Variants in TOP3B observed in about 807,000 individuals in gnomAD.
The protein encoded by TOP3B is DNA topoisomerase 3-beta-1.
Under a neutral mutation model 93.9 loss-of-function variants are expected in TOP3B, and 45 were observed. The ratio of observed to expected loss-of-function variants is 0.48; its 90% CI spans 0.38 to 0.61. The LOEUF is 0.61. TOP3B is among the 20% of genes least tolerant of loss of function. The pLI is 0.00. For missense variants in TOP3B, 750 were observed against 1,156.1 expected, an observed-to-expected ratio of 0.65 and a Z score of 5.09; for synonymous variants, 357 against 472.6, an observed-to-expected ratio of 0.76 and a Z score of 3.17.
chr22:21,972,833 A>C, intron 3 of TOP3B, 115 bp from the exon 4 acceptor site: 1 of 882,236 alleles, frequency 1.1e-6, no homozygotes, highest in South Asian at 1.4e-5. Flanking sequence ...CTTGGAGAAC[A>C]ATTTGCCCAG....
chr22:21,962,849 TGAAGTGTCTG>T lies in TOP3B; in HGVS notation c.1239_1248del (p.Arg414SerfsTer65). 1 of 1,614,002 alleles carries T rather than the reference TGAAGTGTCTG, an allele frequency of 6.2e-7. No individual in the cohort carries two copies. Among genetic ancestry groups the T allele is most frequent in the Non-Finnish European group, 8.5e-7 (1 of 1,180,012 alleles). On this transcript the variant is annotated frameshift_variant, in exon 12 of 18. Transcript: ENST00000357179. LOFTEE classifies it high-confidence loss of function. ...TTGCAGTCATGGCTGACCGTGGCGA[TGAAGTGTCTG>T]GTGATGTACTCATAGAGCCGCCACG...
Position 21,970,272 on chromosome 22 carries a change from G to C in TOP3B, c.519C>G (p.Asn173Lys). 8.1e-6 allele frequency: 13 copies of C among 1,613,986 alleles called. No individual in the cohort carries two copies. The highest frequency in any genetic ancestry group is 1.1e-5 in the Non-Finnish European group (13 of 1,180,020). Residue 173 changes from asparagine to lysine, a missense_variant, in exon 6 of 18, where the codon AAC becomes AAG. Transcript: ENST00000357179. This position sits in a 1 kb window ranked among gnomAD's most constrained non-coding sequence, Gnocchi z 4.4. ...AMACLGEPDH[N>K]EALSVDARQE... is the part of the protein sequence containing the mutation. ...GGCGAGCATCCACTGAGAGCGCCTC[G>C]TTGTGGTCAGGCTCGCCTAGGCAGG...
At chr22:21,961,355 C>T (rs1946660089) in intron 13 of TOP3B, 1 of 152,316 alleles carries the variant, frequency 6.6e-6, no homozygotes, top group Admixed American at 6.5e-5. Flanking sequence ...CCTGGGGGCT[C>T]AGTCACAGGG....
intron 10 of TOP3B, 40 bp downstream of exon 10, chr22:21,964,121 T>A (rs2145842477): frequency 6.2e-7 from 1 of 1,612,786 alleles, no homozygotes; most frequent in East Asian, 2.2e-5. Context: ...AAGGCCTCAG[T>A]GACACACACA....
At chr22:21,979,509 G>A (rs1253778690) in intron 1 of TOP3B, among the ~76,000 whole-genome samples, 2 of 152,108 alleles carry the variant, frequency 1.3e-5, no homozygotes, top group African/African-American at 4.8e-5. Context: ...ACAGGGCAGC[G>A]CTGGAGTGGC....
chr22:21,975,531 G>T, intron 2 of TOP3B, 109 bp downstream of exon 2: 1 of 1,282,786 alleles, frequency 7.8e-7, no homozygotes. Flanking sequence ...ACCACCTGCC[G>T]ACCCGAACCA....
At chr22:21,982,436 C>T (rs2084652594) in intron 1 of TOP3B, 7 of 152,306 alleles carry the variant, frequency 4.6e-5, no homozygotes, top group Admixed American at 4.6e-4. Context: ...TACAGCAGAT[C>T]TCACCCTAAA....
rs752254225 is a variant in TOP3B, at chr22:21,970,236, G to T, written c.555C>A (p.Asp185Glu). The T allele has an allele frequency of 2.5e-6, 4 of 1,612,930 alleles. No individual in the cohort carries two copies. Among genetic ancestry groups the T allele is most frequent in the Admixed American group, 3.3e-5 (2 of 60,012 alleles). Residue 185 changes from aspartate to glutamate, a missense_variant, in exon 6 of 18, where the codon GAC (aspartate) becomes GAA (glutamate). Transcript: ENST00000357179. This position sits in a 1 kb window ranked among gnomAD's most constrained non-coding sequence, Gnocchi z 4.4. ...ALSVDARQELDLRIGCAFTRF... is the reference protein window; with the variant it reads ...ALSVDARQELELRIGCAFTRF... The stretch of plus-strand genomic sequence containing the variant: ...TGGTGAATGCACAGCCGATTCGCAG[G>T]TCCAGCTCCTGGCGAGCATCCACTG...
chr22:21,970,179 G>T lies in TOP3B; in HGVS notation c.581+31C>A, dbSNP rs770031596. On this transcript the variant is annotated intron_variant, in intron 6 of 17. Coordinates refer to ENST00000357179, the MANE Select transcript of TOP3B (RefSeq NM_001282112.2). The surrounding 1 kb of genome is among the most constrained non-coding windows in gnomAD (Gnocchi z 4.4). ...TCTCTGGCTGAGGGAGAGTGAGGGT[G>T]TGCCCAGGACTCTGCGGGTGTGGCC... 2 of 1,597,382 alleles carry T rather than the reference G, an allele frequency of 1.3e-6. No homozygotes were observed. Among genetic ancestry groups the T allele is most frequent in the Non-Finnish European group, 1.7e-6 (2 of 1,174,410 alleles).
intron 1 of TOP3B, among the ~76,000 whole-genome samples, chr22:21,980,571 ATAAG>A (rs1311084808): frequency 1.3e-5 from 2 of 152,216 alleles, no homozygotes; most frequent in African/African-American, 2.4e-5. Context: ...TTTCCTCAAA[ATAAG>A]TAAGTGGATG....
chr22:21,978,880 A>G (rs886796428), intron 1 of TOP3B, among the ~76,000 whole-genome samples: 1 of 152,128 alleles, frequency 6.6e-6, no homozygotes, highest in Admixed American at 6.5e-5. Context: ...TTCTCCGCTG[A>G]TGGGACTGCT....
At chr22:21,978,097 G>C (rs2071956339) in intron 1 of TOP3B, among the ~76,000 whole-genome samples, 1 of 152,106 alleles carries the variant, frequency 6.6e-6, no homozygotes, top group African/African-American at 2.4e-5. Context: ...CAGAGGGTTT[G>C]CATAGGTGTG....
At chr22:21,969,055 A>AC in intron 6 of TOP3B, 1 of 377,790 alleles carries the variant, frequency 2.6e-6, no homozygotes, top group Non-Finnish European at 4.8e-6. Context: ...TCTCCTCAGG[A>AC]CCCCCAGAGC....
intron 8 of TOP3B, 50 bp downstream of exon 8, chr22:21,967,553 G>C (rs767659466): frequency 1.3e-6 from 2 of 1,490,028 alleles, no homozygotes; most frequent in Middle Eastern, 1.7e-4. Flanking sequence ...GCATCCAAGG[G>C]CCACCCTCAC....
chr22:21,959,769 A>G, intron 14 of TOP3B, 33 bp from the exon 15 acceptor site: 1 of 1,602,802 alleles, frequency 6.2e-7, no homozygotes, highest in Non-Finnish European at 8.5e-7. Flanking sequence ...TATTGCCCTG[A>G]GCACTCGCAC....
rs746743243 is a variant in TOP3B at position 21,965,348 on chromosome 22, C to T, written c.880G>A (p.Ala294Thr). The T allele has an allele frequency of 6.2e-7, 1 of 1,606,678 alleles. No homozygotes were observed. The highest frequency in any genetic ancestry group is 2.3e-5 in the East Asian group (1 of 44,294). The change falls in exon 9 of 18, where the codon GCC becomes ACC. Residue 294 changes from alanine (A) to threonine (T), a missense_variant. Ala to Thr is a moderately conservative substitution (Grantham distance 58). Around this residue, in one of 4 missense-constraint regions of TOP3B, gnomAD observed 737 missense variants for 933.7 expected, o/e 0.79. Coordinates refer to ENST00000357179, the MANE Select transcript of TOP3B (RefSeq NM_001282112.2). ...TTCAGGGCCAGGGGCCTCTGCTTGG[C>T]CTTTTCTTTCCTGCTTGTGGCCTCC... ...QVEATSRKEK[A>T]KQRPLALNTV...
chr22:21,965,820 C>G (rs144726525), intron 8 of TOP3B: 1 of 154,310 alleles, frequency 6.5e-6, no homozygotes, highest in African/African-American at 2.4e-5. Flanking sequence ...GCTGAGACCA[C>G]GCCATTGTAA....
chr22:21,962,516 C>T lies in TOP3B; in HGVS notation c.1438G>A (p.Glu480Lys), dbSNP rs967946882. Reference sequence around the variant, plus strand: ...GTCTGCTTCTCCAGCATCTTCACCTCGCCCACAGGGAAGGCATCACCCCGC... The same window carrying T: ...GTCTGCTTCTCCAGCATCTTCACCTTGCCCACAGGGAAGGCATCACCCCGC... ...CQRGDAFPVG[E>K]VKMLEKQTNP... Residue 480 changes from glutamate to lysine, a missense_variant, in exon 13 of 18, where the codon GAG (glutamate) becomes AAG (lysine). Glu to Lys is a moderately conservative substitution (Grantham distance 56, BLOSUM62 1). Transcript: ENST00000357179. The T allele has an allele frequency of 2.0e-5, 32 of 1,613,658 alleles. No individual in the cohort carries two copies. The highest frequency in any genetic ancestry group is 2.7e-5 in the African/African-American group (2 of 74,938).
At chr22:21,959,092 G>A in intron 16 of TOP3B, 40 bp downstream of exon 16, 2 of 1,610,006 alleles carry the variant, frequency 1.2e-6, no homozygotes, top group Middle Eastern at 1.7e-4. Context: ...GGCCTACAGG[G>A]GTGAGGCAGC....
Sources: gnomAD v4.1 joint callset for allele counts (sites outside exome capture counted in the v4.1 genomes callset) on GRCh38, gnomAD v4.1.1 for gene constraint, gnomAD v4.1.1 regional missense constraint, Gnocchi (gnomAD v3.1) non-coding constraint, MANE v1.5 for transcripts, NCBI Gene and HGNC (gene_info 2026-07-23, HGNC 2026-07-21) for gene names.